Variants in TMEM242 observed in about 807,000 individuals in gnomAD.
The protein encoded by TMEM242 is UPF0463 transmembrane protein C6orf35.
A neutral mutation model predicts 18.2 loss-of-function variants in TMEM242; 10 were observed. The ratio of observed to expected loss-of-function variants is 0.55; its 90% CI spans 0.34 to 0.93. TMEM242 has a LOEUF of 0.93. TMEM242 is among the 40% of genes least tolerant of loss of function. The probability of loss-of-function intolerance (pLI) is 0.02; values close to 1 mark genes in which losing one functional copy is unlikely to be tolerated. For synonymous variants in TMEM242, 57 were observed against 69.9 expected, an observed-to-expected ratio of 0.81 and a Z score of 0.92; for missense variants, 186 against 175.5, an observed-to-expected ratio of 1.06 and a Z score of -0.34.
In TMEM242 at chr6:157,291,900, T is replaced by G. The variant is rs971976521; in HGVS notation, c.*1001A>C. 3.1e-4 allele frequency: 47 copies of G among 152,226 alleles called. No individual in the cohort carries two copies. The highest frequency in any genetic ancestry group is 1.0e-3 in the African/African-American group (43 of 41,452). The allele number at this position is 152,226 out of a possible 1,614,324, so 9.4% of individuals were successfully genotyped here. On this transcript the variant is annotated 3_prime_UTR_variant, in exon 4 of 4. Coordinates refer to ENST00000400788, the MANE Select transcript of TMEM242 (RefSeq NM_018452.6). ...GGACATATTGACATATTAAAGTATT[T>G]CTCTTCTTGAAAATATTTTAAAATA...
intron 3 of TMEM242, chr6:157,299,493 A>C (rs1777798321): frequency 7.0e-7 from 1 of 1,429,134 alleles, no homozygotes; most frequent in Non-Finnish European, 9.8e-7. Flanking sequence ...TGTCCAAACA[A>C]GAAACAAAAA....
intron 3 of TMEM242, among the ~76,000 whole-genome samples, chr6:157,300,483 T>G (rs1475491455): frequency 6.6e-6 from 1 of 152,240 alleles, no homozygotes; most frequent in Non-Finnish European, 1.5e-5. Flanking sequence ...TTCTATTAAC[T>G]ACGGATGAAA....
At chr6:157,300,023 T>C (rs1777805940) in intron 3 of TMEM242, 4 of 1,043,262 alleles carry the variant, frequency 3.8e-6, no homozygotes, top group Non-Finnish European at 6.0e-6. Context: ...CCAGGCGCCC[T>C]TGAGCGGCAT....
At chr6:157,318,339 C>T (rs1455462000) in intron 3 of TMEM242, 1 of 165,898 alleles carries the variant, frequency 6.0e-6, no homozygotes, top group Non-Finnish European at 1.3e-5. Flanking sequence ...AGGTGATCCT[C>T]CTCCCTCAGC....
intron 3 of TMEM242, among the ~76,000 whole-genome samples, chr6:157,302,284 TTA>T (rs1447100057): frequency 6.6e-6 from 1 of 152,246 alleles, no homozygotes; most frequent in African/African-American, 2.4e-5. Context: ...GTCATTTCTT[TTA>T]TCTCAGTCAT....
intron 3 of TMEM242, among the ~76,000 whole-genome samples, chr6:157,309,148 G>C (rs1777957585): frequency 6.6e-6 from 1 of 152,146 alleles, no homozygotes; most frequent in Non-Finnish European, 1.5e-5. Flanking sequence ...CAGAGTAGCA[G>C]GCAGTAAAGC....
Position 157,309,681 on chromosome 6 carries a change from G to A in TMEM242, c.327+9101C>T, listed in dbSNP as rs587632038. 7.9e-5 allele frequency among the ~76,000 whole-genome samples: 12 copies of A among 152,140 alleles called. No homozygotes were observed. The South Asian group carries it at 2.1e-3, about 26-fold the overall frequency. On this transcript the variant is annotated intron_variant, in intron 3 of 3. Transcript: ENST00000400788. ...ACTGAGATTGCAGGCATGAGCCACC[G>A]CCCACCTAACAAATACTTCTTATCC...
chr6:157,318,921 T>G lies in TMEM242; in HGVS notation c.190-2A>C, dbSNP rs782594153. The G allele has an allele frequency of 6.3e-7, 1 of 1,594,080 alleles. No individual in the cohort carries two copies. The highest frequency in any genetic ancestry group is 1.4e-5 in the African/African-American group (1 of 73,718). On this transcript the variant is annotated splice_acceptor_variant, in intron 2 of 3. Coordinates refer to ENST00000400788, the MANE Select transcript of TMEM242 (RefSeq NM_018452.6). LOFTEE classifies it high-confidence loss of function. ...TAATGCAGCCGTGGCCATACTTCCC[T>G]GAAATGAAACAGAAAAGTTGAGGTA...
chr6:157,313,633 C>A, intron 3 of TMEM242, among the ~76,000 whole-genome samples: 1 of 150,910 alleles, frequency 6.6e-6, no homozygotes, highest in Non-Finnish European at 1.5e-5. Context: ...TCTCACCTAG[C>A]CACATCACAG....
chr6:157,309,752 T>C (rs1777967354), intron 3 of TMEM242, among the ~76,000 whole-genome samples: 1 of 146,958 alleles, frequency 6.8e-6, no homozygotes, highest in Admixed American at 6.8e-5. Flanking sequence ...CCTTCATTTA[T>C]ACATTAATTT....
rs1554246921 is a variant in TMEM242 at position 157,292,933 on chromosome 6, C to T, written c.394G>A (p.Val132Ile). 2 of 1,613,580 alleles carry T rather than the reference C, an allele frequency of 1.2e-6. No individual in the cohort carries two copies. Among genetic ancestry groups the T allele is most frequent in the East Asian group, 2.2e-5 (1 of 44,898 alleles). Residue 132 changes from valine (V) to isoleucine (I), a missense_variant, in exon 4 of 4, where the codon GTT becomes ATT. By Grantham distance (29) the Val-to-Ile change is conservative. Coordinates refer to ENST00000400788, the MANE Select transcript of TMEM242 (RefSeq NM_018452.6). Reference sequence around the variant, plus strand: ...GATTTCAATGTTTCCTCCCACTCAACAGCCGATTCGGAGTTCTTGGGAATT... The same window carrying T: ...GATTTCAATGTTTCCTCCCACTCAATAGCCGATTCGGAGTTCTTGGGAATT... ...PTIPKNSESA[V>I]EWEETLKSK
intron 3 of TMEM242, among the ~76,000 whole-genome samples, chr6:157,311,526 A>ATCT (rs1554248829): frequency 1.1e-5 from 1 of 87,534 alleles, no homozygotes; most frequent in Non-Finnish European, 2.4e-5. Context: ...GTGTGCACTC[A>ATCT]ACCGGCCTCA....
At chr6:157,294,625 C>T (rs1407604649) in intron 3 of TMEM242, among the ~76,000 whole-genome samples, 1 of 152,146 alleles carries the variant, frequency 6.6e-6, no homozygotes, top group Non-Finnish European at 1.5e-5. Flanking sequence ...GCTGGGATTA[C>T]AGGCGTGAAC....
At chr6:157,310,304 T>A (rs587669809) in intron 3 of TMEM242, among the ~76,000 whole-genome samples, 1 of 116,986 alleles carries the variant, frequency 8.5e-6, no homozygotes, top group South Asian at 2.8e-4. Flanking sequence ...CTTAAAGCAT[T>A]TACCTCAACT....
At chr6:157,312,864 G>A (rs1554249464) in intron 3 of TMEM242, among the ~76,000 whole-genome samples, 9 of 150,314 alleles carry the variant, frequency 6.0e-5, no homozygotes, top group African/African-American at 1.2e-4. Flanking sequence ...TCATCATAGT[G>A]TCCCAGTGTG....
intron 3 of TMEM242, among the ~76,000 whole-genome samples, chr6:157,293,363 C>A (rs958000240): frequency 6.6e-6 from 1 of 151,368 alleles, no homozygotes; most frequent in Non-Finnish European, 1.5e-5. Flanking sequence ...TAAAAACAAA[C>A]AAACAAACAA....
intron 3 of TMEM242, among the ~76,000 whole-genome samples, chr6:157,311,429 GCCTCATCATAGTGTCCCAGTGTGC>G: frequency 4.3e-5 from 1 of 23,182 alleles, no homozygotes; most frequent in Admixed American, 3.0e-4. Context: ...CACGCATACG[GCCTCATCATAGTGTCCCAGTGTGC>G]AATCACCTGG....
At chr6:157,312,087 TGCCC>T (rs1562384121) in intron 3 of TMEM242, among the ~76,000 whole-genome samples, 2 of 122,268 alleles carry the variant, frequency 1.6e-5, no homozygotes, top group Non-Finnish European at 1.7e-5. Flanking sequence ...CTCAACATAG[TGCCC>T]TAGTGTCCCC....
At position 157,321,736 on chromosome 6, in the gene TMEM242, C is replaced by T. The variant is rs1583578163; in HGVS notation, c.189+969G>A. ...GTGCGCTCTTCAGCCCCAGAGAATC[C>T]CTAGTTTTCATCAGATTATTAAAAA... is the stretch of plus-strand genomic sequence containing the variant. On this transcript the variant is annotated intron_variant, in intron 2 of 3. Coordinates refer to ENST00000400788, the MANE Select transcript of TMEM242 (RefSeq NM_018452.6). 2.0e-5 allele frequency among the ~76,000 whole-genome samples: 3 copies of T among 152,216 alleles called. No individual in the cohort carries two copies. The East Asian group carries it at 5.8e-4, about 29-fold the overall frequency.
Sources: allele counts gnomAD v4.1 joint callset (sites outside exome capture counted in the v4.1 genomes callset), GRCh38; gene constraint gnomAD v4.1.1; transcripts MANE v1.5; gene names NCBI Gene and HGNC (gene_info 2026-07-23, HGNC 2026-07-21).